The following ZBTB20 variants were observed in gnomAD, a reference collection of about 807,000 sequenced individuals.
ZBTB20 encodes zinc finger and BTB domain containing 20, also known as zinc finger and BTB domain-containing protein 20.
Under a neutral mutation model 56.9 loss-of-function variants are expected in ZBTB20, and 9 were observed. That is an observed-to-expected ratio of 0.16 (90% confidence interval 0.10 to 0.28). The LOEUF is 0.28. Among genes scored for constraint, ZBTB20 ranks in the 10% least tolerant of loss-of-function variants. The probability of loss-of-function intolerance (pLI) is 1.00; values close to 1 mark genes in which losing one functional copy is unlikely to be tolerated. For missense variants in ZBTB20, 655 were observed against 1,003.0 expected (o/e 0.65, Z 4.69); for synonymous variants, 417 against 420.7 (o/e 0.99, Z 0.11).
intron 4 of ZBTB20, among the ~76,000 whole-genome samples, chr3:114,839,643 A>C (rs1483456880): frequency 6.6e-6 from 1 of 152,178 alleles, no homozygotes; most frequent in Non-Finnish European, 1.5e-5. Flanking sequence ...ATGTGACCTT[A>C]TTTGGAAAAA....
At chr3:114,638,542 C>G (rs945341113) in intron 6 of ZBTB20, among the ~76,000 whole-genome samples, 6 of 152,046 alleles carry the variant, frequency 3.9e-5, no homozygotes, top group African/African-American at 1.4e-4. Flanking sequence ...CCAAACTGTT[C>G]TTCCTAACTA....
intron 7 of ZBTB20, among the ~76,000 whole-genome samples, chr3:114,484,881 C>A (rs1250709351): frequency 6.6e-6 from 1 of 151,700 alleles, no homozygotes; most frequent in East Asian, 1.9e-4. Context: ...GCTTTGAGGC[C>A]CTGGACCACA....
chr3:114,362,335 A>C (rs899282294), intron 10 of ZBTB20, among the ~76,000 whole-genome samples: 3 of 152,294 alleles, frequency 2.0e-5, no homozygotes, highest in Non-Finnish European at 4.4e-5. Context: ...AATGACAACT[A>C]CAAATATGTA....
chr3:114,922,365 G>A (rs1335635273), intron 3 of ZBTB20, among the ~76,000 whole-genome samples: 1 of 152,008 alleles, frequency 6.6e-6, no homozygotes, highest in Non-Finnish European at 1.5e-5. Flanking sequence ...AAAGGAAGAA[G>A]TTAAATGGTC....
chr3:114,332,559 T>G lies in ZBTB20; in HGVS notation c.*6446A>C, dbSNP rs2079300609. 1 of 152,232 alleles carries G rather than the reference T, an allele frequency of 6.6e-6. No homozygotes were observed. Among genetic ancestry groups the G allele is most frequent in the Non-Finnish European group, 1.5e-5 (1 of 68,026 alleles). 9.4% of individuals were successfully genotyped at this position (152,232 alleles called of 1,614,324 possible). On this transcript the variant is annotated 3_prime_UTR_variant, in exon 12 of 12. Transcript: ENST00000675478. The stretch of plus-strand genomic sequence containing the variant: ...AGTACCCAGTTCTAGGAAAGTTTGG[T>G]GCCTCCTCAAGAAGTCACTATTTCC...
intron 2 of ZBTB20, among the ~76,000 whole-genome samples, chr3:115,021,435 G>A (rs1469960518): frequency 1.3e-5 from 2 of 150,850 alleles, no homozygotes; most frequent in East Asian, 3.9e-4. Flanking sequence ...ACATATACAC[G>A]TAAAGTTAAG....
rs141974116 is a variant in ZBTB20, at chr3:114,774,319, G to C, written c.-343+26782C>G. ...TTAATTTTATTTTTCTGTTGAGATAGAAAATATACTGAGCTAAAAATTACT... is the reference window on the plus strand; with the variant it reads ...TTAATTTTATTTTTCTGTTGAGATACAAAATATACTGAGCTAAAAATTACT... On this transcript the variant is annotated intron_variant, in intron 5 of 11. Transcript: ENST00000675478. Among the ~76,000 whole-genome samples the C allele has an allele frequency of 3.8e-3, 580 of 152,188 alleles. 8 individuals carry two copies. Among genetic ancestry groups the C allele is most frequent in the African/African-American group, 0.013 (554 of 41,532 alleles).
chr3:115,088,004 A>G (rs556577137), intron 1 of ZBTB20, among the ~76,000 whole-genome samples: 2 of 152,008 alleles, frequency 1.3e-5, no homozygotes, highest in South Asian at 2.1e-4. Context: ...ACCTCCCACA[A>G]CTAGCTCCAC....
chr3:114,874,754 T>C (rs948925511), intron 4 of ZBTB20, among the ~76,000 whole-genome samples: 1 of 152,218 alleles, frequency 6.6e-6, no homozygotes, highest in Admixed American at 6.5e-5. Context: ...TCCTTTTTCA[T>C]GTACAGGTCT....
intron 6 of ZBTB20, among the ~76,000 whole-genome samples, chr3:114,619,942 C>A (rs74326721): frequency 0.013 from 1,931 of 152,262 alleles, 33 homozygotes; most frequent in African/African-American, 0.044. Context: ...TCAGCCTGAC[C>A]TCCACGGATG....
chr3:114,523,896 CAG>C (rs1231146295), intron 6 of ZBTB20, among the ~76,000 whole-genome samples: 1 of 152,128 alleles, frequency 6.6e-6, no homozygotes, highest in African/African-American at 2.4e-5. Context: ...ATTTGCTGGG[CAG>C]CATTAACGGC....
chr3:114,368,169 T>G (rs895118614), intron 10 of ZBTB20, among the ~76,000 whole-genome samples: 1 of 152,236 alleles, frequency 6.6e-6, no homozygotes, highest in Non-Finnish European at 1.5e-5. Context: ...AGATGCATAC[T>G]ATTTTTATTC....
At chr3:114,794,033 G>A (rs1277390149) in intron 5 of ZBTB20, among the ~76,000 whole-genome samples, 1 of 151,812 alleles carries the variant, frequency 6.6e-6, no homozygotes, top group East Asian at 1.9e-4. Context: ...AAATGCAACA[G>A]ATTTAAAAAC....
chr3:115,019,361 C>G (rs1324555269), intron 2 of ZBTB20, among the ~76,000 whole-genome samples: 1 of 151,158 alleles, frequency 6.6e-6, no homozygotes, highest in Non-Finnish European at 1.5e-5. Flanking sequence ...GTATTTTAAA[C>G]AAAATGAGGT....
chr3:114,339,251 C>T lies in ZBTB20; in HGVS notation c.1980G>A (p.Lys660=). ...NVHMRLHRGE[K]SYECYICKKK... is the part of the protein sequence containing the mutation. ...TTTTGCAGATGTAGCACTCGTAGGACTTCTCTCCCCGGTGGAGGCGCATGT... is the reference window on the plus strand; with the variant it reads ...TTTTGCAGATGTAGCACTCGTAGGATTTCTCTCCCCGGTGGAGGCGCATGT... Residue 660 remains lysine, a synonymous_variant, in exon 12 of 12, where the codon AAG becomes AAA. Transcript: ENST00000675478. The surrounding 1 kb of genome is among the most constrained non-coding windows in gnomAD (Gnocchi z 4.2). 6.2e-7 allele frequency: 1 copy of T among 1,614,216 alleles called. No homozygotes were observed. The highest frequency in any genetic ancestry group is 8.5e-7 in the Non-Finnish European group (1 of 1,180,038).
At chr3:115,002,626 A>C (rs1316197714) in intron 2 of ZBTB20, among the ~76,000 whole-genome samples, 3 of 151,644 alleles carry the variant, frequency 2.0e-5, no homozygotes, top group Non-Finnish European at 4.4e-5. Flanking sequence ...TTGCAAATTA[A>C]AACAATGAGA....
At position 114,338,761 on chromosome 3, in the gene ZBTB20, G is replaced by T. The variant is rs1286021506; in HGVS notation, c.*244C>A. The T allele has an allele frequency of 1.3e-5, 5 of 378,386 alleles. No homozygotes were observed. Among genetic ancestry groups the T allele is most frequent in the African/African-American group, 8.3e-5 (4 of 48,306 alleles). 23.4% of individuals were successfully genotyped at this position (378,386 alleles called of 1,614,324 possible). A position where few individuals can be genotyped will look rare whatever the true frequency, so the allele number is the denominator to read the frequency against. ...AGTGGACCTCTTGAAGCACTACCAGGCCTTAAGGCCACCATCCGAGGGAGA... is the reference window on the plus strand; with the variant it reads ...AGTGGACCTCTTGAAGCACTACCAGTCCTTAAGGCCACCATCCGAGGGAGA... On this transcript the variant is annotated 3_prime_UTR_variant, in exon 12 of 12. Coordinates refer to ENST00000675478, the MANE Select transcript of ZBTB20 (RefSeq NM_001348800.3).
intron 6 of ZBTB20, among the ~76,000 whole-genome samples, chr3:114,547,339 G>A (rs1004830368): frequency 3.9e-5 from 6 of 152,128 alleles, no homozygotes; most frequent in African/African-American, 1.4e-4. Flanking sequence ...CTATTCAAGC[G>A]GTTCAGAAAG....
At chr3:114,458,583 T>C (rs1407885284) in intron 7 of ZBTB20, among the ~76,000 whole-genome samples, 2 of 152,200 alleles carry the variant, frequency 1.3e-5, no homozygotes, top group Non-Finnish European at 2.9e-5. Context: ...TTACACTATG[T>C]AGTTTCCAGT....
Sources: allele counts gnomAD v4.1 joint callset (sites outside exome capture counted in the v4.1 genomes callset), GRCh38; gene constraint gnomAD v4.1.1; non-coding constraint Gnocchi (gnomAD v3.1); transcripts MANE v1.5; gene names NCBI Gene and HGNC (gene_info 2026-07-23, HGNC 2026-07-21).